The following LCN8 variants were observed in gnomAD, a reference collection of about 807,000 sequenced individuals.
The protein encoded by LCN8 is epididymal-specific lipocalin-8.
Under a neutral mutation model 22.8 loss-of-function variants are expected in LCN8, and 16 were observed. That is an observed-to-expected ratio of 0.70 (90% CI 0.47 to 1.06). The LOEUF is 1.06. Among genes scored for constraint, LCN8 ranks in the 50% least tolerant of loss-of-function variants. The pLI is 0.00. For missense variants in LCN8, 189 were observed against 203.3 expected (o/e 0.93, Z 0.43); for synonymous variants, 92 against 83.4 (o/e 1.10, Z -0.56).
upstream of LCN8, chr9:136,758,540 G>A: frequency 1.0e-6 from 1 of 988,726 alleles, no homozygotes; most frequent in South Asian, 4.7e-5. Flanking sequence ...GCTGCACCAG[G>A]CATCACCACC....
chr9:136,757,269 G>A, intron 1 of LCN8, 101 bp from the exon 2 acceptor site: 13 of 1,517,714 alleles, frequency 8.6e-6, no homozygotes, highest in Non-Finnish European at 1.2e-5. Flanking sequence ...GCTCTGAGAG[G>A]TCAGCAGATG....
chr9:136,758,195 C>G lies in LCN8; in HGVS notation c.-265G>C, dbSNP rs1477492130. 3 of 1,389,668 alleles carry G rather than the reference C, an allele frequency of 2.2e-6. No homozygotes were observed. Among genetic ancestry groups the G allele is most frequent in the Non-Finnish European group, 9.3e-7 (1 of 1,071,278 alleles). The allele number at this position is 1,389,668 out of a possible 1,614,324, so 86.1% of individuals were successfully genotyped here. On this transcript the variant is annotated 5_prime_UTR_variant, in exon 1 of 7. Transcript: ENST00000371688. Reference sequence around the variant, plus strand: ...ACCGCAGGGGTTAGCCTGGCCTAGACAGCAGCCTGCCCAGCCACCCTCCTG... The same window carrying G: ...ACCGCAGGGGTTAGCCTGGCCTAGAGAGCAGCCTGCCCAGCCACCCTCCTG...
chr9:136,757,198 T>A (rs763026591), intron 1 of LCN8, 30 bp from the exon 2 acceptor site: 7 of 1,604,162 alleles, frequency 4.4e-6, no homozygotes, highest in Non-Finnish European at 6.0e-6. Context: ...GGCCAAGAGC[T>A]GAGCAGTGGG....
intron 1 of LCN8, 27 bp downstream of exon 1, chr9:136,757,880 C>T (rs1847247771): frequency 6.2e-7 from 1 of 1,613,684 alleles, no homozygotes; most frequent in Non-Finnish European, 8.5e-7. Flanking sequence ...GTAGGAGGAG[C>T]CCCACCAACT....
At chr9:136,757,451 CGGG>C in intron 1 of LCN8, 2 of 1,365,278 alleles carry the variant, frequency 1.5e-6, no homozygotes, top group Non-Finnish European at 1.9e-6. Context: ...TGCGACATGT[CGGG>C]AGGAACCACA....
At chr9:136,755,361 C>T in intron 4 of LCN8, 28 bp from the exon 5 acceptor site, 1 of 1,610,110 alleles carries the variant, frequency 6.2e-7, no homozygotes. Context: ...GCTGGGCGGG[C>T]AGTCCCTGGG....
chr9:136,757,724 C>CT (rs1847243935), intron 1 of LCN8, 183 bp downstream of exon 1: 1 of 985,344 alleles, frequency 1.0e-6, no homozygotes, highest in Non-Finnish European at 1.2e-6. Flanking sequence ...TCTGGGCCTG[C>CT]TAATGTGCCT....
intron 2 of LCN8, 53 bp downstream of exon 2, chr9:136,756,985 C>A: frequency 6.3e-7 from 1 of 1,590,590 alleles, no homozygotes; most frequent in Non-Finnish European, 8.6e-7. Flanking sequence ...AACCCACGCC[C>A]AGTCCCCGGC....
At chr9:136,754,579 C>T in intron 6 of LCN8, 70 bp from the exon 7 acceptor site, 1 of 1,526,640 alleles carries the variant, frequency 6.6e-7, no homozygotes, top group Non-Finnish European at 8.8e-7. Flanking sequence ...TCGATGAGGG[C>T]CACACGGCGG....
chr9:136,757,254 G>C (rs1158360358), intron 1 of LCN8, 86 bp from the exon 2 acceptor site: 1 of 1,540,534 alleles, frequency 6.5e-7, no homozygotes, highest in African/African-American at 1.4e-5. Context: ...GCAGGGGCCT[G>C]CTGGGCTCTG....
chr9:136,755,037 G>A (rs1445578231), intron 6 of LCN8, 98 bp downstream of exon 6: 1 of 1,444,348 alleles, frequency 6.9e-7, no homozygotes, highest in Admixed American at 2.9e-5. Flanking sequence ...CCCAGCCCAG[G>A]GCCGGGAGGC....
chr9:136,755,573 G>A lies in LCN8; in HGVS notation c.227-57C>T, dbSNP rs527660263. On this transcript the variant is annotated intron_variant, in intron 3 of 6. Transcript: ENST00000371688. ...CGTCTGAGGGGGACGGACCTCGAAG[G>A]CCAGGGTCTGCAGGGTCTAACTCCA... The A allele has an allele frequency of 5.0e-4, 775 of 1,560,700 alleles. 1 individual carries two copies. The highest frequency in any genetic ancestry group is 5.9e-4 in the Non-Finnish European group (684 of 1,156,016).
intron 1 of LCN8, 96 bp downstream of exon 1, chr9:136,757,810 TC>T: frequency 1.9e-6 from 3 of 1,608,486 alleles, no homozygotes; most frequent in Non-Finnish European, 1.7e-6. Flanking sequence ...GGCACCAGCG[TC>T]CCCACGAGCT....
rs2282258 is a variant in LCN8, at chr9:136,755,160, C to A, written c.422G>T (p.Gly141Val). ...DTGLYLAARP[G>V]RCAELLKEEL... ...CTCCTTCAGGAGCTCGGCACACCGCCCTGCAGGATAGGCCAGCATGAGGAG... is the reference window on the plus strand; with the variant it reads ...CTCCTTCAGGAGCTCGGCACACCGCACTGCAGGATAGGCCAGCATGAGGAG... The change falls in exon 6 of 7, where the codon GGG becomes GTG. Residue 141 changes from glycine (G) to valine (V), a missense_variant and splice_region_variant. By Grantham distance (109) the Gly-to-Val change is moderately radical. Transcript: ENST00000371688. 0.14 allele frequency: 219,252 copies of A among 1,597,296 alleles called. 15,426 individuals carry two copies. Among genetic ancestry groups the A allele is most frequent in the Middle Eastern group, 0.18 (1,079 of 5,932 alleles).
chr9:136,755,724 G>A, intron 3 of LCN8: 2 of 1,517,836 alleles, frequency 1.3e-6, no homozygotes, highest in Non-Finnish European at 1.8e-6. Flanking sequence ...GGAACAGCAT[G>A]GGGAACAGTG....
In LCN8 at chr9:136,755,517, C is replaced by A; in HGVS notation, c.227-1G>T. The A allele has an allele frequency of 6.2e-7, 1 of 1,611,158 alleles. No homozygotes were observed. Among genetic ancestry groups the A allele is most frequent in the Non-Finnish European group, 8.5e-7 (1 of 1,179,248 alleles). On this transcript the variant is annotated splice_acceptor_variant, in intron 3 of 6. Transcript: ENST00000371688. LOFTEE classifies it high-confidence loss of function. Reference sequence around the variant, plus strand: ...TCCAGCACGTGGATCTCTCTGTGGCCTTCAAGAGCCGGCCATGGCGTTGGG... The same window carrying A: ...TCCAGCACGTGGATCTCTCTGTGGCATTCAAGAGCCGGCCATGGCGTTGGG...
Position 136,757,966 on chromosome 9 carries a change from C to T in LCN8, c.-36G>A. 1 of 1,612,222 alleles carries T rather than the reference C, an allele frequency of 6.2e-7. No individual in the cohort carries two copies. Among genetic ancestry groups the T allele is most frequent in the Non-Finnish European group, 8.5e-7 (1 of 1,179,696 alleles). On this transcript the variant is annotated 5_prime_UTR_variant, in exon 1 of 7. Coordinates refer to ENST00000371688, the MANE Select transcript of LCN8 (RefSeq NM_178469.4). ...ACCTGCGCCCGGAGCACCACGAGGA[C>T]ACCCAGGATGGTGCACGGCAGCCTG...
intron 1 of LCN8, 40 bp from the exon 2 acceptor site, chr9:136,757,208 G>A (rs774497104): frequency 2.5e-6 from 4 of 1,598,882 alleles, no homozygotes; most frequent in Middle Eastern, 1.7e-4. Flanking sequence ...TGAGCAGTGG[G>A]TCTGAGACCC....
chr9:136,757,748 C>T (rs980368440), intron 1 of LCN8, 159 bp downstream of exon 1: 13 of 985,316 alleles, frequency 1.3e-5, no homozygotes, highest in African/African-American at 1.7e-5. Flanking sequence ...GCCCAGCAGC[C>T]GGCACAGACT....
Sources: gnomAD v4.1 joint callset for allele counts on GRCh38, gnomAD v4.1.1 for gene constraint, MANE v1.5 for transcripts, NCBI Gene and HGNC (gene_info 2026-07-23, HGNC 2026-07-21) for gene names.